Variants in NEO1 observed in about 807,000 individuals in gnomAD.
NEO1 encodes neogenin 1, also known as neogenin.
In NEO1, 63 loss-of-function variants were observed where a neutral mutation model predicts 159.7. The observed-to-expected ratio is 0.39, with a 90% CI of 0.32 to 0.49. NEO1 has a LOEUF of 0.49. Among genes scored for constraint, NEO1 ranks in the 20% least tolerant of loss-of-function variants. NEO1 has a pLI of 0.85. For missense variants in NEO1, 1,615 were observed against 1,831.0 expected, an observed-to-expected ratio of 0.88 and a Z score of 2.15; for synonymous variants, 633 against 662.0, an observed-to-expected ratio of 0.96 and a Z score of 0.67.
At position 73,154,624 on chromosome 15, in the gene NEO1, A is replaced by G. The variant is rs911582411; in HGVS notation, c.1015+18597A>G. 3.9e-5 allele frequency among the ~76,000 whole-genome samples: 6 copies of G among 152,274 alleles called. No homozygotes were observed. In the South Asian group the frequency reaches 6.2e-4, roughly 16 times the overall value. The stretch of plus-strand genomic sequence containing the variant: ...TTCTGTGCCTGGCTTATTTCACTTA[A>G]CATAACGACCTCCAGTTCCATTATC... On this transcript the variant is annotated intron_variant, in intron 5 of 28. Transcript: ENST00000261908.
chr15:73,192,193 T>A (rs547483906), intron 7 of NEO1, among the ~76,000 whole-genome samples: 1 of 152,152 alleles, frequency 6.6e-6, no homozygotes, highest in South Asian at 2.1e-4. Flanking sequence ...TCTGAAGTGA[T>A]ATTTAAGTTG....
chr15:73,253,576 A>G, intron 12 of NEO1, 127 bp downstream of exon 12: 1 of 558,558 alleles, frequency 1.8e-6, no homozygotes, highest in Non-Finnish European at 3.0e-6. Flanking sequence ...AATAATCTGC[A>G]TTTAAAAATA....
chr15:73,290,942 T>A (rs748392938), intron 25 of NEO1, among the ~76,000 whole-genome samples: 3 of 152,194 alleles, frequency 2.0e-5, no homozygotes, highest in Non-Finnish European at 4.4e-5. Context: ...CCACAAACAC[T>A]GTACACAAAC....
At chr15:73,259,595 T>C (rs2040527300) in intron 14 of NEO1, among the ~76,000 whole-genome samples, 1 of 151,976 alleles carries the variant, frequency 6.6e-6, no homozygotes, top group Non-Finnish European at 1.5e-5. Flanking sequence ...CTCAGGTGAT[T>C]CTTTCTCCTT....
intron 5 of NEO1, among the ~76,000 whole-genome samples, chr15:73,152,169 A>T (rs1424996075): frequency 6.6e-6 from 1 of 152,168 alleles, no homozygotes; most frequent in Non-Finnish European, 1.5e-5. Flanking sequence ...AGCCTTTGTT[A>T]CAGTCTTCTC....
chr15:73,126,621 T>G (rs1213022689), intron 4 of NEO1, 51 bp downstream of exon 4: 1 of 1,558,324 alleles, frequency 6.4e-7, no homozygotes, highest in East Asian at 2.3e-5. Flanking sequence ...TGAGACTTTG[T>G]CATATCCCAT....
intron 1 of NEO1, among the ~76,000 whole-genome samples, chr15:73,061,567 G>A (rs565994298): frequency 6.6e-6 from 1 of 152,148 alleles, no homozygotes; most frequent in Admixed American, 6.6e-5. Flanking sequence ...TATTAACAGC[G>A]TTACTAAACC....
Position 73,088,550 on chromosome 15 carries a change from G to A in NEO1, c.131-27990G>A, listed in dbSNP as rs111625378. Among the ~76,000 whole-genome samples the A allele has an allele frequency of 2.9e-3, 443 of 152,168 alleles. 2 individuals are homozygous for A. The highest frequency in any genetic ancestry group is 0.017 in the East Asian group (88 of 5,186). On this transcript the variant is annotated intron_variant, in intron 1 of 28. Coordinates refer to ENST00000261908, the MANE Select transcript of NEO1 (RefSeq NM_002499.4). Reference sequence around the variant, plus strand: ...GGAAAGATGCAAAATAAATTTTGAAGTGCAAAGAAGAGAAATTCAATTTAT... The same window carrying A: ...GGAAAGATGCAAAATAAATTTTGAAATGCAAAGAAGAGAAATTCAATTTAT...
intron 5 of NEO1, among the ~76,000 whole-genome samples, chr15:73,171,948 T>A (rs950154846): frequency 1.3e-5 from 2 of 152,026 alleles, no homozygotes; most frequent in Non-Finnish European, 2.9e-5. Flanking sequence ...GCCAATAAAT[T>A]ATTTTAGATA....
intron 5 of NEO1, among the ~76,000 whole-genome samples, chr15:73,140,107 A>T (rs2032232708): frequency 6.6e-6 from 1 of 152,246 alleles, no homozygotes; most frequent in African/African-American, 2.4e-5. Flanking sequence ...CCATAGTGGG[A>T]TATCACTGTA....
chr15:73,136,141 C>T, intron 5 of NEO1, 114 bp downstream of exon 5: 3 of 800,080 alleles, frequency 3.7e-6, no homozygotes, highest in South Asian at 6.8e-5. Flanking sequence ...AAAAGCATAA[C>T]TCCTAGACCA....
chr15:73,141,584 A>T (rs1448954351), intron 5 of NEO1, among the ~76,000 whole-genome samples: 1 of 152,260 alleles, frequency 6.6e-6, no homozygotes, highest in African/African-American at 2.4e-5. Context: ...GAACAAATGG[A>T]TAAATTCTAA....
chr15:73,213,728 G>A (rs1173319155), intron 7 of NEO1, among the ~76,000 whole-genome samples: 4 of 152,080 alleles, frequency 2.6e-5, no homozygotes, highest in Non-Finnish European at 4.4e-5. Flanking sequence ...TGCTATAAAC[G>A]TGCACATGAA....
chr15:73,289,214 C>G lies in NEO1; in HGVS notation c.3718C>G (p.Pro1240Ala), dbSNP rs137965291. 5 of 1,613,930 alleles carry G rather than the reference C, an allele frequency of 3.1e-6. No individual in the cohort carries two copies. The African/African-American group carries it at 5.3e-5, about 17-fold the overall frequency. The change falls in exon 25 of 29, where the codon CCC (proline) becomes GCC (alanine). Residue 1240 changes from proline (P) to alanine (A), a missense_variant. Pro to Ala is a conservative substitution (Grantham distance 27, BLOSUM62 -1). Transcript: ENST00000261908. ...AGGAATGAGACCAAAAATGATGATG[C>G]CCTTTGACTCCCAGCCACCCCAGCG... ...RRGMRPKMMM[P>A]FDSQPPQPVI...
intron 7 of NEO1, among the ~76,000 whole-genome samples, chr15:73,231,348 A>G (rs1315362748): frequency 6.6e-6 from 1 of 152,206 alleles, no homozygotes; most frequent in African/African-American, 2.4e-5. Context: ...CCAAAATAAT[A>G]TATAGTGTGT....
intron 27 of NEO1, among the ~76,000 whole-genome samples, chr15:73,300,578 A>T (rs1346012326): frequency 6.6e-6 from 1 of 152,202 alleles, no homozygotes; most frequent in African/African-American, 2.4e-5. Context: ...AAAAATACAA[A>T]AAGTTAGCCG....
intron 5 of NEO1, among the ~76,000 whole-genome samples, chr15:73,173,016 G>A (rs2035063016): frequency 6.6e-6 from 1 of 152,182 alleles, no homozygotes; most frequent in Non-Finnish European, 1.5e-5. Context: ...AGTCTGTTTG[G>A]TTTGATCTGT....
At chr15:73,235,035 T>C (rs987479298) in intron 7 of NEO1, among the ~76,000 whole-genome samples, 1 of 152,196 alleles carries the variant, frequency 6.6e-6, no homozygotes, top group Non-Finnish European at 1.5e-5. Flanking sequence ...ATTCAAGAAG[T>C]GGTAGCTATT....
At chr15:73,240,845 G>A (rs1046864197) in intron 8 of NEO1, among the ~76,000 whole-genome samples, 1 of 152,184 alleles carries the variant, frequency 6.6e-6, no homozygotes. Flanking sequence ...CTGAATAGAG[G>A]CAATGAAGGA....
Sources: gnomAD v4.1 joint callset for allele counts (sites outside exome capture counted in the v4.1 genomes callset) on GRCh38, gnomAD v4.1.1 for gene constraint, MANE v1.5 for transcripts, NCBI Gene and HGNC (gene_info 2026-07-23, HGNC 2026-07-21) for gene names.